MRRF: variants seen among roughly 807,000 people sequenced by gnomAD.
MRRF encodes the protein mitochondrial ribosome recycling factor.
In MRRF, 18 loss-of-function variants were observed where a neutral mutation model predicts 25.1. The observed-to-expected ratio is 0.72, with a 90% CI of 0.50 to 1.06. The LOEUF (loss-of-function observed/expected upper bound fraction) is 1.06, where lower values mean the gene tolerates loss of function less well. Among genes scored for constraint, MRRF ranks in the 50% least tolerant of loss-of-function variants. The probability of loss-of-function intolerance (pLI) is 0.00; values close to 1 mark genes in which losing one functional copy is unlikely to be tolerated. For missense variants in MRRF, 323 were observed against 319.3 expected (o/e 1.01, Z -0.09); for synonymous variants, 113 against 112.1 (o/e 1.01, Z -0.05).
intron 5 of MRRF, among the ~76,000 whole-genome samples, chr9:122,309,915 G>A (rs1044703631): frequency 2.6e-5 from 4 of 152,192 alleles, no homozygotes; most frequent in East Asian, 3.8e-4. Context: ...TCTTGCCATA[G>A]CATAGATCTT....
At position 122,324,166 on chromosome 9, in the gene MRRF, A is replaced by G. The variant is rs539923086; in HGVS notation, c.*1549A>G. 3 of 152,294 alleles carry G rather than the reference A, an allele frequency of 2.0e-5. No homozygotes were observed. The highest frequency in any genetic ancestry group is 7.2e-5 in the African/African-American group (3 of 41,558). The allele number at this position is 152,294 out of a possible 1,614,324, so 9.4% of individuals were successfully genotyped here. On this transcript the variant is annotated 3_prime_UTR_variant, in exon 7 of 7. Transcript: ENST00000344641. ...AGGGCTCCATCTCCCAAGACTGCCA[A>G]CACTTTTGATGCCAGTCATGAGTCT...
intron 2 of MRRF, among the ~76,000 whole-genome samples, chr9:122,280,222 G>C (rs556756344): frequency 9.9e-5 from 15 of 152,228 alleles, no homozygotes; most frequent in African/African-American, 3.6e-4. Flanking sequence ...TCTAACCTGG[G>C]GTGTCTGATT....
intron 5 of MRRF, among the ~76,000 whole-genome samples, chr9:122,306,961 T>G (rs147099428): frequency 3.3e-5 from 5 of 152,288 alleles, no homozygotes; most frequent in Non-Finnish European, 7.4e-5. Flanking sequence ...CTACTGGTAT[T>G]AGAAGTCCTT....
Position 122,283,966 on chromosome 9 carries a change from T to TTTGTTG in MRRF, c.341-1170_341-1165dup, listed in dbSNP as rs199591983. Among the ~76,000 whole-genome samples, 470 of 150,648 alleles carry TTTGTTG rather than the reference T, an allele frequency of 3.1e-3. 1 individual carries two copies. Among genetic ancestry groups the TTTGTTG allele is most frequent in the East Asian group, 0.022 (111 of 5,138 alleles). On this transcript the variant is annotated intron_variant, in intron 3 of 6. Transcript: ENST00000344641. ...AGGATAATAGGAAAATGTTAATAGTTTTGTTGTTGTTGTTGTTGTTGTTGT... is the reference window on the plus strand; with the variant it reads ...AGGATAATAGGAAAATGTTAATAGTTTTGTTGTTGTTGTTGTTGTTGTTGTTGTTGT...
intron 1 of MRRF, among the ~76,000 whole-genome samples, chr9:122,266,120 G>A (rs1311759057): frequency 1.3e-5 from 2 of 152,232 alleles, no homozygotes; most frequent in African/African-American, 2.4e-5. Context: ...CATTCACAGT[G>A]TCTTCTGTGT....
chr9:122,291,697 A>G (rs1411663424), intron 4 of MRRF, 52 bp from the exon 5 acceptor site: 11 of 1,295,088 alleles, frequency 8.5e-6, no homozygotes, highest in South Asian at 2.4e-5. Context: ...GAGGGCTTGC[A>G]TCTGGTAATA....
intron 5 of MRRF, among the ~76,000 whole-genome samples, chr9:122,300,125 C>T: frequency 6.6e-6 from 1 of 152,134 alleles, no homozygotes; most frequent in Non-Finnish European, 1.5e-5. Context: ...GCTGATGGGG[C>T]GTTCCTGAGC....
intron 5 of MRRF, among the ~76,000 whole-genome samples, chr9:122,300,637 G>T (rs1658184671): frequency 6.6e-6 from 1 of 152,120 alleles, no homozygotes; most frequent in Non-Finnish European, 1.5e-5. Context: ...TCTGTTTGCT[G>T]ATTTCTCTTT....
chr9:122,267,110 G>A (rs1280926224), intron 1 of MRRF, among the ~76,000 whole-genome samples: 1 of 146,872 alleles, frequency 6.8e-6, no homozygotes, highest in Non-Finnish European at 1.5e-5. Flanking sequence ...CCGGCGCAGT[G>A]GCTCACGCCG....
intron 1 of MRRF, among the ~76,000 whole-genome samples, chr9:122,266,206 T>G (rs1478729958): frequency 1.3e-5 from 2 of 152,100 alleles, no homozygotes; most frequent in East Asian, 3.9e-4. Flanking sequence ...GTACTTAGAG[T>G]CATATGGAGG....
intron 6 of MRRF, among the ~76,000 whole-genome samples, chr9:122,314,323 A>C (rs940411086): frequency 6.6e-6 from 1 of 152,182 alleles, no homozygotes; most frequent in Admixed American, 6.5e-5. Context: ...TCATGGTAAC[A>C]GCAGATGCCA....
At chr9:122,277,326 T>C (rs1211040969) in intron 2 of MRRF, among the ~76,000 whole-genome samples, 2 of 152,226 alleles carry the variant, frequency 1.3e-5, no homozygotes, top group Non-Finnish European at 2.9e-5. Context: ...TTGATGATAA[T>C]GTAGCTACAC....
At chr9:122,292,087 G>A (rs1003299239) in intron 5 of MRRF, among the ~76,000 whole-genome samples, 2 of 152,194 alleles carry the variant, frequency 1.3e-5, no homozygotes, top group African/African-American at 4.8e-5. Flanking sequence ...TTACATTCTG[G>A]TTGGGAAGGT....
intron 4 of MRRF, 44 bp from the exon 5 acceptor site, chr9:122,291,702 GTAA>G (rs1170610270): frequency 7.4e-7 from 1 of 1,347,184 alleles, no homozygotes; most frequent in Non-Finnish European, 1.1e-6. Context: ...CTTGCATCTG[GTAA>G]TAATTATTTA....
At chr9:122,305,364 A>G (rs1340185293) in intron 5 of MRRF, among the ~76,000 whole-genome samples, 1 of 150,026 alleles carries the variant, frequency 6.7e-6, no homozygotes, top group Admixed American at 6.7e-5. Context: ...GTGAGCCGAG[A>G]TTATGCCACT....
At chr9:122,318,951 T>C (rs1588089812) in intron 6 of MRRF, among the ~76,000 whole-genome samples, 1 of 152,136 alleles carries the variant, frequency 6.6e-6, no homozygotes, top group Admixed American at 6.6e-5. Flanking sequence ...TTCTTTATCC[T>C]CTTCTCCCCA....
chr9:122,298,219 G>C (rs1048878359), intron 5 of MRRF, among the ~76,000 whole-genome samples: 1 of 152,100 alleles, frequency 6.6e-6, no homozygotes, highest in Admixed American at 6.5e-5. Flanking sequence ...TTGTAGCAAA[G>C]GACAGCAATT....
chr9:122,280,385 T>C, intron 2 of MRRF, 58 bp from the exon 3 acceptor site: 1 of 1,585,868 alleles, frequency 6.3e-7, no homozygotes, highest in Non-Finnish European at 8.7e-7. Context: ...CTTCACCAAT[T>C]GCTTATTGGC....
At chr9:122,267,900 T>A (rs890089243) in intron 1 of MRRF, among the ~76,000 whole-genome samples, 5 of 152,210 alleles carry the variant, frequency 3.3e-5, no homozygotes, top group Non-Finnish European at 5.9e-5. Context: ...AAGCTGTAGC[T>A]CAGAGAGGCT....
Sources: gnomAD v4.1 joint callset for allele counts (sites outside exome capture counted in the v4.1 genomes callset) on GRCh38, gnomAD v4.1.1 for gene constraint, MANE v1.5 for transcripts, NCBI Gene and HGNC (gene_info 2026-07-23, HGNC 2026-07-21) for gene names.